Variants in LIMS1 observed in about 807,000 individuals in gnomAD.
LIMS1 encodes the protein LIM and senescent cell antigen-like-containing domain protein 1.
LIMS1 carries 18 observed loss-of-function variants against 44.1 expected under a neutral mutation model. The observed-to-expected ratio is 0.41, with a 90% CI of 0.28 to 0.61. The LOEUF (loss-of-function observed/expected upper bound fraction) is 0.61. Among genes scored for constraint, LIMS1 ranks in the 20% least tolerant of loss-of-function variants. The probability of loss-of-function intolerance (pLI) is 0.32; values close to 1 mark genes in which losing one functional copy is unlikely to be tolerated. For synonymous variants in LIMS1, 93 were observed against 149.1 expected, an observed-to-expected ratio of 0.62 and a Z score of 2.74; for missense variants, 201 against 422.0, an observed-to-expected ratio of 0.48 and a Z score of 4.59.
chr2:108,663,341 C>G (rs1387445118), intron 2 of LIMS1, among the ~76,000 whole-genome samples: 2 of 152,062 alleles, frequency 1.3e-5, no homozygotes, highest in Non-Finnish European at 2.9e-5. Flanking sequence ...AGGCTGGTCT[C>G]GAACTCCTGA....
In LIMS1 at chr2:108,674,217, C is replaced by T. The variant is rs1198551678; in HGVS notation, c.530+1188C>T. On this transcript the variant is annotated intron_variant, in intron 5 of 9. Coordinates refer to ENST00000544547, the Ensembl canonical transcript of LIMS1. ...CGGTGGCGGGTGCCTATAGTCCCAG[C>T]TACTTGGAAGGCTGAGGCAGGAGAA... 5.7e-4 allele frequency among the ~76,000 whole-genome samples: 86 copies of T among 151,894 alleles called. 1 individual carries two copies. The highest frequency in any genetic ancestry group is 1.9e-4 in the East Asian group (1 of 5,168).
intron 1 of LIMS1, among the ~76,000 whole-genome samples, chr2:108,550,188 A>G (rs1480464999): frequency 6.6e-6 from 1 of 152,190 alleles, no homozygotes; most frequent in African/African-American, 2.4e-5. Context: ...GAAAAATACA[A>G]AGTGTTTTTT....
At chr2:108,550,140 G>T (rs1386121502) in intron 1 of LIMS1, among the ~76,000 whole-genome samples, 30 of 152,150 alleles carry the variant, frequency 2.0e-4, no homozygotes, top group Admixed American at 6.6e-5. Context: ...AATATGGTAT[G>T]ATTAGAACTT....
intron 9 of LIMS1, among the ~76,000 whole-genome samples, chr2:108,681,982 G>A (rs1259924002): frequency 6.6e-6 from 1 of 152,032 alleles, no homozygotes; most frequent in Admixed American, 6.6e-5. Flanking sequence ...GTTCGAATGT[G>A]CATTCATACA....
At chr2:108,638,362 C>T (rs942190797) in intron 1 of LIMS1, among the ~76,000 whole-genome samples, 1 of 152,204 alleles carries the variant, frequency 6.6e-6, no homozygotes, top group African/African-American at 2.4e-5. Context: ...TTTAGATGCC[C>T]TCTGCAGGCA....
At position 108,550,746 on chromosome 2, in the gene LIMS1, G is replaced by T. The variant is rs140096722; in HGVS notation, c.32+16152G>T. On this transcript the variant is annotated intron_variant, in intron 1 of 9. Coordinates refer to ENST00000544547, the Ensembl canonical transcript of LIMS1. ...CAGGGGAATGGCGTGAACCTGGGAGGCAGAGCTTGAAGTGAGCTGAGATTG... is the reference window on the plus strand; with the variant it reads ...CAGGGGAATGGCGTGAACCTGGGAGTCAGAGCTTGAAGTGAGCTGAGATTG... Among the ~76,000 whole-genome samples, 1,172 of 151,808 alleles carry T rather than the reference G, an allele frequency of 7.7e-3. 18 individuals are homozygous for T. Among genetic ancestry groups the T allele is most frequent in the Middle Eastern group, 0.031 (9 of 292 alleles).
chr2:108,588,275 A>G, intron 1 of LIMS1: 1 of 971,424 alleles, frequency 1.0e-6, no homozygotes, highest in Non-Finnish European at 1.2e-6. Context: ...TACAGGAAAA[A>G]AAAAAACCCT....
At chr2:108,613,725 G>GAAC (rs1687781144) in intron 1 of LIMS1, among the ~76,000 whole-genome samples, 1 of 152,134 alleles carries the variant, frequency 6.6e-6, no homozygotes. Flanking sequence ...TCAGGGTGAA[G>GAAC]AACACCAGGT....
chr2:108,542,561 C>T (rs368677487), intron 1 of LIMS1, among the ~76,000 whole-genome samples: 11 of 152,252 alleles, frequency 7.2e-5, no homozygotes, highest in African/African-American at 2.4e-4. Context: ...GGTCACAGCT[C>T]GCTAATTGTT....
At chr2:108,684,984 CA>C (rs751387192) in exon 10 of LIMS1, 1 of 152,116 alleles carries the variant, frequency 6.6e-6, no homozygotes, top group African/African-American at 2.4e-5. Context: ...AGCCATCTCA[CA>C]GAATACCAAC....
At chr2:108,641,644 GC>G (rs1689674375) in intron 1 of LIMS1, among the ~76,000 whole-genome samples, 6 of 152,040 alleles carry the variant, frequency 3.9e-5, no homozygotes, top group Admixed American at 3.9e-4. Context: ...TAAAAAATGT[GC>G]TATTTTCTTT....
At chr2:108,583,700 CT>C (rs759827869) in intron 1 of LIMS1, among the ~76,000 whole-genome samples, 107 of 129,808 alleles carry the variant, frequency 8.2e-4, no homozygotes, top group Non-Finnish European at 8.0e-4. Flanking sequence ...GTTGCTGTTT[CT>C]TTTTTTTTTT....
At chr2:108,573,501 CAAA>C (rs1685560284) in intron 1 of LIMS1, among the ~76,000 whole-genome samples, 1 of 152,118 alleles carries the variant, frequency 6.6e-6, no homozygotes, top group Non-Finnish European at 1.5e-5. Flanking sequence ...AGGTGATCCT[CAAA>C]ACAACCCTGC....
intron 1 of LIMS1, among the ~76,000 whole-genome samples, chr2:108,642,398 C>T (rs1423674715): frequency 3.3e-5 from 4 of 120,388 alleles, no homozygotes; most frequent in Non-Finnish European, 4.8e-5. Flanking sequence ...CTCGCTCTGT[C>T]GCCCAGGCTG....
intron 1 of LIMS1, among the ~76,000 whole-genome samples, chr2:108,582,765 T>C (rs1685935545): frequency 6.6e-6 from 1 of 152,016 alleles, no homozygotes; most frequent in Admixed American, 6.6e-5. Context: ...CAGAACAAGA[T>C]GTTGTCTCAA....
intron 1 of LIMS1, among the ~76,000 whole-genome samples, chr2:108,545,216 T>G (rs1558781157): frequency 6.6e-6 from 1 of 152,192 alleles, no homozygotes; most frequent in Non-Finnish European, 1.5e-5. Flanking sequence ...CATCTGGATT[T>G]ACCAGCTTAT....
chr2:108,556,450 C>G (rs1443746173), intron 1 of LIMS1, among the ~76,000 whole-genome samples: 1 of 152,148 alleles, frequency 6.6e-6, no homozygotes, highest in African/African-American at 2.4e-5. Flanking sequence ...TGAGTCCCTG[C>G]TTTTAATTCT....
At chr2:108,621,882 G>C (rs1241899380) in intron 1 of LIMS1, among the ~76,000 whole-genome samples, 1 of 152,128 alleles carries the variant, frequency 6.6e-6, no homozygotes. Context: ...GTGCCATGGA[G>C]ATTGTTACTG....
chr2:108,685,135 G>A (rs968798166), exon 10 of LIMS1: 3 of 152,054 alleles, frequency 2.0e-5, no homozygotes, highest in Non-Finnish European at 4.4e-5. Context: ...AGAAAATGAT[G>A]TTGATATGTG....
Sources: gnomAD v4.1 joint callset for allele counts (sites outside exome capture counted in the v4.1 genomes callset) on GRCh38, gnomAD v4.1.1 for gene constraint, MANE v1.5 for transcripts, NCBI Gene and HGNC (gene_info 2026-07-23, HGNC 2026-07-21) for gene names.